The following DCC variants were observed in gnomAD, a reference collection of about 807,000 sequenced individuals.
The protein encoded by DCC is netrin receptor DCC.
Under a neutral mutation model 172.5 loss-of-function variants are expected in DCC, and 58 were observed. The ratio of observed to expected loss-of-function variants is 0.34; its 90% CI spans 0.27 to 0.42. The LOEUF is 0.42. Ranked by LOEUF, DCC falls within the 10% of genes least tolerant of loss-of-function variation. The probability of loss-of-function intolerance (pLI) is 1.00; values close to 1 mark genes in which losing one functional copy is unlikely to be tolerated. For synonymous variants in DCC, 709 were observed against 644.5 expected (o/e 1.10, Z -1.52); for missense variants, 1,740 against 1,791.0 (o/e 0.97, Z 0.51).
At chr18:53,181,960 C>T (rs1037290971) in intron 9 of DCC, among the ~76,000 whole-genome samples, 1 of 152,198 alleles carries the variant, frequency 6.6e-6, no homozygotes, top group Non-Finnish European at 1.5e-5. Flanking sequence ...TCAAATCAGT[C>T]TTGTAATCCA....
intron 1 of DCC, among the ~76,000 whole-genome samples, chr18:52,625,575 C>T (rs1221867): frequency 0.9 from 137,613 of 152,094 alleles, 62,378 homozygotes; most frequent in Non-Finnish European, 0.93. Flanking sequence ...TTCATCATTA[C>T]ATTAACATGC....
intron 7 of DCC, among the ~76,000 whole-genome samples, chr18:53,148,303 A>T (rs946032690): frequency 3.3e-5 from 5 of 152,138 alleles, no homozygotes; most frequent in African/African-American, 1.2e-4. Context: ...GAGGGGAAGG[A>T]TGGTGATGCA....
chr18:52,875,983 C>T (rs2039398077), intron 2 of DCC, among the ~76,000 whole-genome samples: 1 of 151,946 alleles, frequency 6.6e-6, no homozygotes, highest in African/African-American at 2.4e-5. Context: ...GTGAGAAGAA[C>T]ACACTTTAAA....
intron 1 of DCC, among the ~76,000 whole-genome samples, chr18:52,479,835 G>A (rs182244365): frequency 6.6e-5 from 10 of 151,856 alleles, no homozygotes; most frequent in Admixed American, 2.0e-4. Flanking sequence ...TTTCTCTCTC[G>A]TGGGTTCTGA....
At chr18:52,973,458 G>A (rs1051694938) in intron 5 of DCC, among the ~76,000 whole-genome samples, 1 of 152,162 alleles carries the variant, frequency 6.6e-6, no homozygotes, top group Non-Finnish European at 1.5e-5. Flanking sequence ...CACTGGCCAA[G>A]TAGGTTTTTG....
At chr18:53,419,714 C>A (rs1265374578) in intron 21 of DCC, among the ~76,000 whole-genome samples, 1 of 152,062 alleles carries the variant, frequency 6.6e-6, no homozygotes, top group Non-Finnish European at 1.5e-5. Context: ...GTATTGTCTC[C>A]ATTTTAGCAA....
At chr18:52,824,804 C>G (rs2038478940) in intron 2 of DCC, among the ~76,000 whole-genome samples, 1 of 152,006 alleles carries the variant, frequency 6.6e-6, no homozygotes, top group Non-Finnish European at 1.5e-5. Context: ...AACCCCGTCT[C>G]TACTAAAATA....
intron 2 of DCC, among the ~76,000 whole-genome samples, chr18:52,826,193 C>T (rs2038505436): frequency 6.6e-6 from 1 of 152,160 alleles, no homozygotes; most frequent in Non-Finnish European, 1.5e-5. Flanking sequence ...AACACAATAG[C>T]ATACAATATT....
At chr18:52,766,298 G>T (rs372038303) in intron 2 of DCC, among the ~76,000 whole-genome samples, 1 of 152,170 alleles carries the variant, frequency 6.6e-6, no homozygotes, top group South Asian at 2.1e-4. Context: ...AGGCCCAGAG[G>T]GTGTGTTACA....
intron 2 of DCC, among the ~76,000 whole-genome samples, chr18:52,777,991 G>T (rs1434476958): frequency 1.3e-5 from 2 of 151,916 alleles, no homozygotes; most frequent in Non-Finnish European, 2.9e-5. Flanking sequence ...AAAACAAAGA[G>T]CTGCAACAAT....
At chr18:52,578,332 C>T (rs926833925) in intron 1 of DCC, among the ~76,000 whole-genome samples, 3 of 152,188 alleles carry the variant, frequency 2.0e-5, no homozygotes, top group Non-Finnish European at 4.4e-5. Flanking sequence ...TTCTTACCAG[C>T]TAAGTTCTTA....
At chr18:53,184,171 C>G (rs1282242444) in intron 9 of DCC, among the ~76,000 whole-genome samples, 1 of 152,026 alleles carries the variant, frequency 6.6e-6, no homozygotes, top group East Asian at 1.9e-4. Context: ...GATCACTATA[C>G]AGTCAGCACA....
At chr18:53,526,463 G>A (rs1023919116) in intron 27 of DCC, among the ~76,000 whole-genome samples, 154 bp from the exon 28 acceptor site, 5 of 152,106 alleles carry the variant, frequency 3.3e-5, no homozygotes, top group Non-Finnish European at 5.9e-5. Flanking sequence ...GAAATAAAAC[G>A]AGCCCACTCA....
intron 22 of DCC, among the ~76,000 whole-genome samples, chr18:53,446,805 G>A (rs935768920): frequency 3.3e-5 from 5 of 152,070 alleles, no homozygotes; most frequent in Non-Finnish European, 5.9e-5. Flanking sequence ...CTATAAGAAA[G>A]TGCCCCTTTT....
At chr18:52,599,221 G>A (rs1456040696) in intron 1 of DCC, among the ~76,000 whole-genome samples, 3 of 152,242 alleles carry the variant, frequency 2.0e-5, no homozygotes, top group South Asian at 2.1e-4. Flanking sequence ...AATAAAGACT[G>A]TCTTAGAACT....
At chr18:53,427,421 T>G (rs1352845826) in intron 21 of DCC, among the ~76,000 whole-genome samples, 1 of 152,134 alleles carries the variant, frequency 6.6e-6, no homozygotes, top group Non-Finnish European at 1.5e-5. Flanking sequence ...CTATTAAGAA[T>G]TCAATTGTTA....
chr18:52,420,209 A>G (rs1040506385), intron 1 of DCC, among the ~76,000 whole-genome samples: 1 of 152,196 alleles, frequency 6.6e-6, no homozygotes, highest in African/African-American at 2.4e-5. Flanking sequence ...TCTCAAGGAA[A>G]GAGAGTCAAG....
At chr18:53,114,679 A>G (rs1206272979) in intron 7 of DCC, among the ~76,000 whole-genome samples, 1 of 151,584 alleles carries the variant, frequency 6.6e-6, no homozygotes, top group African/African-American at 2.4e-5. Context: ...ATTGACATGC[A>G]GATCAGCCAC....
chr18:52,798,891 G>A (rs1291986322), intron 2 of DCC, among the ~76,000 whole-genome samples: 1 of 151,958 alleles, frequency 6.6e-6, no homozygotes, highest in East Asian at 1.9e-4. Context: ...TAGTTGGGAG[G>A]TGCCTGCCAC....
Sources: allele counts gnomAD v4.1 joint callset (sites outside exome capture counted in the v4.1 genomes callset), GRCh38; gene constraint gnomAD v4.1.1; transcripts MANE v1.5; gene names NCBI Gene and HGNC (gene_info 2026-07-23, HGNC 2026-07-21).